Variants in ZBTB20 observed in about 807,000 individuals in gnomAD.
ZBTB20 encodes the protein zinc finger and BTB domain-containing protein 20.
ZBTB20 carries 9 observed loss-of-function variants against 56.9 expected under a neutral mutation model. The ratio of observed to expected loss-of-function variants is 0.16; its 90% confidence interval spans 0.10 to 0.28. The LOEUF (loss-of-function observed/expected upper bound fraction) is 0.28. Among genes scored for constraint, ZBTB20 ranks in the 10% least tolerant of loss-of-function variants. The probability of loss-of-function intolerance (pLI) is 1.00; values close to 1 mark genes in which losing one functional copy is unlikely to be tolerated. For synonymous variants in ZBTB20, 417 were observed against 420.7 expected (o/e 0.99, Z 0.11); for missense variants, 655 against 1,003.0 (o/e 0.65, Z 4.69).
intron 6 of ZBTB20, among the ~76,000 whole-genome samples, chr3:114,649,692 A>C (rs1188432557): frequency 6.6e-6 from 1 of 151,956 alleles, no homozygotes; most frequent in Non-Finnish European, 1.5e-5. Context: ...AACTTTAATG[A>C]ATTCAGTATT....
intron 7 of ZBTB20, among the ~76,000 whole-genome samples, chr3:114,485,784 C>G (rs918120588): frequency 6.6e-6 from 1 of 152,060 alleles, no homozygotes; most frequent in Non-Finnish European, 1.5e-5. Context: ...GAAGATACAG[C>G]AAGAGGTGCG....
rs77098567 is a variant in ZBTB20, at chr3:114,632,845, A to G, written c.-295+60683T>C. Among the ~76,000 whole-genome samples, 634 of 152,356 alleles carry G rather than the reference A, an allele frequency of 4.2e-3. 3 individuals carry two copies. The highest frequency in any genetic ancestry group is 7.1e-3 in the Non-Finnish European group (480 of 68,034). ...TTCACAAGCTTTCCTGAAAGCTGGC[A>G]CAAGAATCATTCTCTTAATGTCAGG... On this transcript the variant is annotated intron_variant, in intron 6 of 11. Transcript: ENST00000675478.
At chr3:114,673,123 A>G (rs1258407754) in intron 6 of ZBTB20, among the ~76,000 whole-genome samples, 4 of 152,272 alleles carry the variant, frequency 2.6e-5, no homozygotes, top group Middle Eastern at 3.4e-3. Context: ...TCTCAATAGT[A>G]TCATTTTCCA....
intron 7 of ZBTB20, among the ~76,000 whole-genome samples, chr3:114,422,416 C>T (rs1434999471): frequency 1.3e-5 from 2 of 151,684 alleles, no homozygotes; most frequent in African/African-American, 2.4e-5. Context: ...ATACTGCAAC[C>T]GGACGTTACC....
intron 6 of ZBTB20, among the ~76,000 whole-genome samples, chr3:114,525,343 A>G (rs2047098053): frequency 6.6e-6 from 1 of 152,190 alleles, no homozygotes; most frequent in Non-Finnish European, 1.5e-5. Flanking sequence ...GCTTTGCTTT[A>G]CTATCCTACC....
intron 3 of ZBTB20, among the ~76,000 whole-genome samples, chr3:114,971,436 T>C (rs558626057): frequency 6.6e-6 from 1 of 152,192 alleles, no homozygotes; most frequent in Admixed American, 6.5e-5. Flanking sequence ...TTATAGTACT[T>C]ACCCCAAATA....
intron 2 of ZBTB20, among the ~76,000 whole-genome samples, chr3:115,037,966 A>C (rs897954310): frequency 6.6e-6 from 1 of 152,262 alleles, no homozygotes; most frequent in Non-Finnish European, 1.5e-5. Context: ...AATGAGGTCT[A>C]AAACATGATT....
intron 5 of ZBTB20, among the ~76,000 whole-genome samples, chr3:114,766,551 A>T (rs2068807411): frequency 6.7e-6 from 1 of 148,980 alleles, no homozygotes; most frequent in Admixed American, 6.7e-5. Flanking sequence ...CTGTTACTGC[A>T]GGTAGGTCAA....
At chr3:114,637,827 C>G (rs1057348709) in intron 6 of ZBTB20, among the ~76,000 whole-genome samples, 3 of 152,000 alleles carry the variant, frequency 2.0e-5, no homozygotes. Context: ...TTAGAGTATC[C>G]TATCATTATT....
chr3:115,080,307 T>C (rs146369494), intron 1 of ZBTB20, among the ~76,000 whole-genome samples: 1,734 of 152,264 alleles, frequency 0.011, 26 homozygotes, highest in South Asian at 0.022. Flanking sequence ...GCAGCCCAAA[T>C]TGACTAAGAC....
chr3:114,550,160 A>C (rs540277956), intron 6 of ZBTB20, among the ~76,000 whole-genome samples: 1 of 152,158 alleles, frequency 6.6e-6, no homozygotes, highest in African/African-American at 2.4e-5. Context: ...GGATGGTCTC[A>C]ATCTCCTGAT....
chr3:114,856,609 T>C (rs1462568198), intron 4 of ZBTB20, among the ~76,000 whole-genome samples: 1 of 152,194 alleles, frequency 6.6e-6, no homozygotes, highest in East Asian at 1.9e-4. Context: ...TGAATTATTG[T>C]GTTCAAGGTT....
At chr3:114,546,525 T>C (rs1183648878) in intron 6 of ZBTB20, among the ~76,000 whole-genome samples, 1 of 151,310 alleles carries the variant, frequency 6.6e-6, no homozygotes, top group East Asian at 1.9e-4. Flanking sequence ...GATATATGGA[T>C]ATGCAGTGAG....
chr3:114,752,307 A>G (rs1280350077), intron 5 of ZBTB20, among the ~76,000 whole-genome samples: 1 of 152,134 alleles, frequency 6.6e-6, no homozygotes, highest in Non-Finnish European at 1.5e-5. Flanking sequence ...GTTCAAGAGA[A>G]TACTCCATTT....
chr3:114,616,274 T>C (rs1233322630), intron 6 of ZBTB20, among the ~76,000 whole-genome samples: 1 of 152,180 alleles, frequency 6.6e-6, no homozygotes, highest in Non-Finnish European at 1.5e-5. Context: ...AGAAATGAGG[T>C]GTATAGCAAA....
At chr3:114,581,921 G>A (rs961437995) in intron 6 of ZBTB20, among the ~76,000 whole-genome samples, 15 of 152,088 alleles carry the variant, frequency 9.9e-5, no homozygotes, top group African/African-American at 3.4e-4. Context: ...ATGTATATAT[G>A]TCTATAAAAA....
intron 5 of ZBTB20, among the ~76,000 whole-genome samples, chr3:114,762,430 C>T (rs2068504761): frequency 6.6e-6 from 1 of 152,110 alleles, no homozygotes; most frequent in Non-Finnish European, 1.5e-5. Flanking sequence ...TAATTCTTGA[C>T]CTAAACTATG....
chr3:114,885,507 A>G (rs1430268751), intron 4 of ZBTB20, among the ~76,000 whole-genome samples: 1 of 151,908 alleles, frequency 6.6e-6, no homozygotes, highest in African/African-American at 2.4e-5. Flanking sequence ...GTAATTATTT[A>G]CTCATGATAG....
At chr3:115,131,955 T>C (rs1248435605) in intron 1 of ZBTB20, among the ~76,000 whole-genome samples, 4 of 152,200 alleles carry the variant, frequency 2.6e-5, no homozygotes, top group Non-Finnish European at 5.9e-5. Flanking sequence ...GCTGACTTTG[T>C]AATATGTTCT....
Sources: gnomAD v4.1 joint callset for allele counts (sites outside exome capture counted in the v4.1 genomes callset) on GRCh38, gnomAD v4.1.1 for gene constraint, MANE v1.5 for transcripts, NCBI Gene and HGNC (gene_info 2026-07-23, HGNC 2026-07-21) for gene names.